ZNF586: variants seen among roughly 807,000 people sequenced by gnomAD.
The protein encoded by ZNF586 is zinc finger protein 586.
ZNF586 carries 7 observed loss-of-function variants against 6.7 expected under a neutral mutation model. The observed-to-expected ratio is 1.04, with a 90% CI of 0.59 to 1.95. ZNF586 has a LOEUF of 1.95. Ranked by LOEUF, ZNF586 falls within the 30% of genes most tolerant of loss-of-function variation. The pLI is 0.00. For synonymous variants in ZNF586, 166 were observed against 168.7 expected (o/e 0.98, Z 0.12); for missense variants, 442 against 489.6 (o/e 0.90, Z 0.92).
At chr19:57,771,490 A>T (rs1334798348) in intron 1 of ZNF586, among the ~76,000 whole-genome samples, 1 of 152,110 alleles carries the variant, frequency 6.6e-6, no homozygotes, top group Non-Finnish European at 1.5e-5. Flanking sequence ...GGGATCTTGG[A>T]AAAACCTCAA....
At chr19:57,772,880 ATGGGGC>A (rs1987130045) in intron 1 of ZNF586, among the ~76,000 whole-genome samples, 1 of 152,130 alleles carries the variant, frequency 6.6e-6, no homozygotes, top group South Asian at 2.1e-4. Context: ...AGATTGGGGT[ATGGGGC>A]TGAAATTTCC....
rs752822518 is a variant in ZNF586, at chr19:57,776,646, C to T, written c.140C>T (p.Thr47Ile). The T allele has an allele frequency of 8.7e-6, 14 of 1,608,348 alleles. No individual in the cohort carries two copies. In the East Asian group the frequency reaches 2.7e-4, roughly 31 times the overall value. ...RCLYRDVMLE[T>I]LTLISSLGCW... ...CTGTACCGTGACGTGATGCTGGAGA[C>T]CTTGACACTTATATCCTCCCTGGGT... is the stretch of plus-strand genomic sequence containing the variant. The change falls in exon 2 of 3, where the codon ACC becomes ATC. Residue 47 changes from threonine to isoleucine, a missense_variant. Thr to Ile is a moderately conservative substitution (Grantham distance 89). Transcript: ENST00000396154.
At chr19:57,772,334 C>T (rs1987116269) in intron 1 of ZNF586, among the ~76,000 whole-genome samples, 2 of 152,130 alleles carry the variant, frequency 1.3e-5, no homozygotes, top group South Asian at 4.1e-4. Flanking sequence ...TCTGCTCTCC[C>T]CCACAACAAT....
At chr19:57,771,510 C>G (rs61092010) in intron 1 of ZNF586, among the ~76,000 whole-genome samples, 52,156 of 151,900 alleles carry the variant, frequency 0.34, 9,446 homozygotes, top group East Asian at 0.45. Context: ...AACCCCAAAC[C>G]TACATCAGTG....
At chr19:57,775,405 G>A (rs1987210598) in intron 1 of ZNF586, among the ~76,000 whole-genome samples, 1 of 152,130 alleles carries the variant, frequency 6.6e-6, no homozygotes, top group African/African-American at 2.4e-5. Flanking sequence ...TGAGATGGGA[G>A]GATTGCTGGA....
intron 2 of ZNF586, 29 bp downstream of exon 2, chr19:57,776,698 G>C: frequency 6.4e-7 from 1 of 1,568,668 alleles, no homozygotes; most frequent in Non-Finnish European, 8.6e-7. Flanking sequence ...CCTGTGACCT[G>C]AGTTAGTCTG....
At chr19:57,771,325 G>A (rs1436868696) in intron 1 of ZNF586, among the ~76,000 whole-genome samples, 1 of 150,696 alleles carries the variant, frequency 6.6e-6, no homozygotes, top group Non-Finnish European at 1.5e-5. Flanking sequence ...AAGAGAGAGA[G>A]AGAGATGGGG....
At chr19:57,770,431 G>A (rs986982790) in intron 1 of ZNF586, among the ~76,000 whole-genome samples, 6 of 152,130 alleles carry the variant, frequency 3.9e-5, no homozygotes, top group African/African-American at 1.4e-4. Flanking sequence ...GGCCGAGGCG[G>A]AGTTGTTTCT....
In ZNF586 at chr19:57,776,646, C is replaced by A; in HGVS notation, c.140C>A (p.Thr47Asn). ...CTGTACCGTGACGTGATGCTGGAGACCTTGACACTTATATCCTCCCTGGGT... is the reference window on the plus strand; with the variant it reads ...CTGTACCGTGACGTGATGCTGGAGAACTTGACACTTATATCCTCCCTGGGT... Reference protein sequence around the residue: ...RCLYRDVMLETLTLISSLGCW... With the variant: ...RCLYRDVMLENLTLISSLGCW... The change falls in exon 2 of 3, where the codon ACC becomes AAC. Residue 47 changes from threonine (T) to asparagine (N), a missense_variant. Physicochemically the swap from Thr to Asn is moderately conservative, Grantham distance 65. Transcript: ENST00000396154. 6.2e-7 allele frequency: 1 copy of A among 1,608,464 alleles called. No individual in the cohort carries two copies. Among genetic ancestry groups the A allele is most frequent in the Non-Finnish European group, 8.5e-7 (1 of 1,177,638 alleles).
In ZNF586 at chr19:57,778,953, T is replaced by C; in HGVS notation, c.366T>C (p.Tyr122=). 6.2e-7 allele frequency: 1 copy of C among 1,614,224 alleles called. No individual in the cohort carries two copies. The highest frequency in any genetic ancestry group is 8.5e-7 in the Non-Finnish European group (1 of 1,180,040). The change falls in exon 3 of 3, where the codon TAT becomes TAC. Residue 122 remains tyrosine (Y), a synonymous_variant. Transcript: ENST00000396154. ...ATGTTCGCACTGGAGAAAGGCCTTATGAGTGCAGCAAATATGGGAAATTAT... is the reference window on the plus strand; with the variant it reads ...ATGTTCGCACTGGAGAAAGGCCTTACGAGTGCAGCAAATATGGGAAATTAT... The part of the protein sequence containing the change: ...HRNVRTGERP[Y]ECSKYGKLFH...
At position 57,779,250 on chromosome 19, in the gene ZNF586, C is replaced by G; in HGVS notation, c.663C>G (p.Leu221=). ...CGKSFAYTSS[L]IKHRRIHTGE... ...AGTCCTTTGCTTATACATCTAGTCT[C>G]ATTAAACACAGGAGGATTCACACTG... Residue 221 remains leucine (L), a synonymous_variant, in exon 3 of 3, where the codon CTC becomes CTG. Coordinates refer to ENST00000396154, the MANE Select transcript of ZNF586 (RefSeq NM_017652.4). 1 of 1,613,976 alleles carries G rather than the reference C, an allele frequency of 6.2e-7. No individual in the cohort carries two copies. The highest frequency in any genetic ancestry group is 8.5e-7 in the Non-Finnish European group (1 of 1,180,010).
intron 1 of ZNF586, among the ~76,000 whole-genome samples, chr19:57,771,064 G>A (rs1987083537): frequency 6.6e-6 from 1 of 151,962 alleles, no homozygotes; most frequent in South Asian, 2.1e-4. Flanking sequence ...CACTTTGGGA[G>A]GCCGAGGCGG....
intron 1 of ZNF586, among the ~76,000 whole-genome samples, chr19:57,774,291 G>A (rs1987171174): frequency 6.6e-6 from 1 of 150,386 alleles, no homozygotes; most frequent in Non-Finnish European, 1.5e-5. Context: ...CGGAGGCTGA[G>A]GTGGGCGGAT....
chr19:57,779,552 G>A lies in ZNF586; in HGVS notation c.965G>A (p.Cys322Tyr). The A allele has an allele frequency of 1.2e-6, 2 of 1,613,860 alleles. No homozygotes were observed. The highest frequency in any genetic ancestry group is 1.7e-6 in the Non-Finnish European group (2 of 1,179,990). Residue 322 changes from cysteine (C) to tyrosine (Y), a missense_variant, in exon 3 of 3, where the codon TGT (cysteine) becomes TAT (tyrosine). Cys to Tyr is a radical substitution (Grantham distance 194). Transcript: ENST00000396154. ...HTGERHECGQCGKSFSRKSSL... is the reference protein window; with the variant it reads ...HTGERHECGQYGKSFSRKSSL... ...GGAGAAAGGCATGAGTGCGGGCAGT[G>A]TGGGAAATCCTTTAGCCGAAAATCT...
Position 57,776,533 on chromosome 19 carries a change from A to T in ZNF586, c.37-10A>T, listed in dbSNP as rs1222169245. 1 of 1,610,538 alleles carries T rather than the reference A, an allele frequency of 6.2e-7. No individual in the cohort carries two copies. Among genetic ancestry groups the T allele is most frequent in the Non-Finnish European group, 8.5e-7 (1 of 1,178,632 alleles). On this transcript the variant is annotated splice_polypyrimidine_tract_variant and intron_variant, in intron 1 of 2. Coordinates refer to ENST00000396154, the MANE Select transcript of ZNF586 (RefSeq NM_017652.4). The stretch of plus-strand genomic sequence containing the variant: ...GCCATTTGTGGTTTCATCTATCCCC[A>T]TCATAACAGAGCAGTGTGACCTTTG...
intron 1 of ZNF586, among the ~76,000 whole-genome samples, chr19:57,771,643 G>A (rs1443091132): frequency 6.6e-6 from 1 of 152,156 alleles, no homozygotes; most frequent in Non-Finnish European, 1.5e-5. Flanking sequence ...GAGGGGTGAG[G>A]TGATGTTACC....
chr19:57,770,628 G>T (rs1987072037), intron 1 of ZNF586, among the ~76,000 whole-genome samples: 1 of 152,196 alleles, frequency 6.6e-6, no homozygotes, highest in South Asian at 2.1e-4. Context: ...TGAGCACTGG[G>T]CCACAAGATT....
At chr19:57,772,904 G>T (rs544181521) in intron 1 of ZNF586, among the ~76,000 whole-genome samples, 193 of 152,180 alleles carry the variant, frequency 1.3e-3, no homozygotes, top group Non-Finnish European at 2.1e-3. Flanking sequence ...TCCAGACCTC[G>T]AATCCTGACA....
rs905439186 is a variant in ZNF586 at position 57,778,826 on chromosome 19, G to A, written c.239G>A (p.Gly80Glu). 4 of 1,614,162 alleles carry A rather than the reference G, an allele frequency of 2.5e-6. No homozygotes were observed. Residue 80 changes from glycine (G) to glutamate (E), a missense_variant, in exon 3 of 3, where the codon GGA (glycine) becomes GAA (glutamate). Coordinates refer to ENST00000396154, the MANE Select transcript of ZNF586 (RefSeq NM_017652.4). Reference protein sequence around the residue: ...STCIHIYKDQGGHSGERPYEC... With the variant: ...STCIHIYKDQEGHSGERPYEC... ...TGTATACATATATACAAAGACCAGGGAGGTCATAGTGGAGAAAGGCCTTAT... is the reference window on the plus strand; with the variant it reads ...TGTATACATATATACAAAGACCAGGAAGGTCATAGTGGAGAAAGGCCTTAT...
Sources: gnomAD v4.1 joint callset for allele counts (sites outside exome capture counted in the v4.1 genomes callset) on GRCh38, gnomAD v4.1.1 for gene constraint, MANE v1.5 for transcripts, NCBI Gene and HGNC (gene_info 2026-07-23, HGNC 2026-07-21) for gene names.